Variants in UNC5B observed in about 807,000 individuals in gnomAD.
UNC5B encodes the protein unc-5 netrin receptor B, also known as netrin receptor UNC5B.
UNC5B carries 56 observed loss-of-function variants against 103.7 expected under a neutral mutation model. The ratio of observed to expected loss-of-function variants is 0.54; its 90% CI spans 0.44 to 0.67. The LOEUF is 0.67. UNC5B is among the 30% of genes least tolerant of loss of function. The pLI is 0.00. For missense variants in UNC5B, 1,194 were observed against 1,284.5 expected (o/e 0.93, Z 1.08); for synonymous variants, 577 against 542.0 (o/e 1.06, Z -0.90).
At chr10:71,235,086 CTCT>C in intron 1 of UNC5B, among the ~76,000 whole-genome samples, 1 of 86,826 alleles carries the variant, frequency 1.2e-5, no homozygotes, top group Non-Finnish European at 3.2e-5. Flanking sequence ...CTGCCGCTGC[CTCT>C]GACTCTGCCT....
chr10:71,234,513 T>A (rs1419060142), intron 1 of UNC5B, among the ~76,000 whole-genome samples: 1 of 152,222 alleles, frequency 6.6e-6, no homozygotes, highest in East Asian at 1.9e-4. Flanking sequence ...CAAAGCCCCT[T>A]GTATGACCTT....
chr10:71,274,168 C>A (rs1026487919), intron 1 of UNC5B, among the ~76,000 whole-genome samples: 54 of 152,120 alleles, frequency 3.5e-4, no homozygotes, highest in Non-Finnish European at 5.7e-4. Flanking sequence ...CAAGACCAGC[C>A]TGGCCAAGAT....
intron 1 of UNC5B, among the ~76,000 whole-genome samples, chr10:71,231,722 G>C (rs1444938493): frequency 6.6e-6 from 1 of 152,052 alleles, no homozygotes; most frequent in Non-Finnish European, 1.5e-5. Context: ...CCAGGTTTGG[G>C]CATATGAATT....
intron 1 of UNC5B, among the ~76,000 whole-genome samples, chr10:71,231,582 C>T (rs955136411): frequency 6.6e-6 from 1 of 152,064 alleles, no homozygotes; most frequent in Non-Finnish European, 1.5e-5. Context: ...GCCCAGCACA[C>T]GGTGGGCCCT....
chr10:71,234,851 T>G (rs1401024901), intron 1 of UNC5B, among the ~76,000 whole-genome samples: 1 of 152,156 alleles, frequency 6.6e-6, no homozygotes, highest in Non-Finnish European at 1.5e-5. Flanking sequence ...TCTGCTCTAT[T>G]TGCAGAGGTC....
At position 71,300,029 on chromosome 10, in the gene UNC5B, CTGTG is replaced by C. The variant is rs10681577; in HGVS notation, c.*782_*785del. ...CACTTCTGGCCAGGAGTGAATGTGC[CTGTG>C]TGTGTGTGTGTGTGTGTGTGTGTGT... is the stretch of plus-strand genomic sequence containing the variant. On this transcript the variant is annotated 3_prime_UTR_variant, in exon 17 of 17. Coordinates refer to ENST00000335350, the MANE Select transcript of UNC5B (RefSeq NM_170744.5). 1,639 of 146,678 alleles carry C rather than the reference CTGTG, an allele frequency of 0.011. 27 individuals carry two copies. The highest frequency in any genetic ancestry group is 0.04 in the Admixed American group (587 of 14,648). The allele number at this position is 146,678 out of a possible 1,614,324, so 9.1% of individuals were successfully genotyped here.
intron 1 of UNC5B, among the ~76,000 whole-genome samples, chr10:71,225,572 C>A (rs370742914): frequency 1.3e-5 from 2 of 152,260 alleles, no homozygotes; most frequent in African/African-American, 4.8e-5. Flanking sequence ...CTGTCTGAGC[C>A]AGCACACCAT....
intron 1 of UNC5B, among the ~76,000 whole-genome samples, chr10:71,254,844 C>G (rs1305421505): frequency 2.6e-5 from 4 of 152,218 alleles, no homozygotes; most frequent in Non-Finnish European, 5.9e-5. Context: ...CCTTTCTCCA[C>G]TATTTCTGGG....
chr10:71,296,248 G>T (rs1467993081), intron 14 of UNC5B, among the ~76,000 whole-genome samples: 1 of 152,074 alleles, frequency 6.6e-6, no homozygotes, highest in East Asian at 1.9e-4. Flanking sequence ...CACCCTTCAG[G>T]GCATGCCCTC....
At chr10:71,224,255 A>G (rs1286489939) in intron 1 of UNC5B, among the ~76,000 whole-genome samples, 5 of 138,954 alleles carry the variant, frequency 3.6e-5, no homozygotes, top group Non-Finnish European at 6.0e-5. Flanking sequence ...ACACACACAG[A>G]CACACACACA....
intron 2 of UNC5B, 131 bp from the exon 3 acceptor site, chr10:71,284,589 A>T: frequency 7.5e-7 from 1 of 1,335,424 alleles, no homozygotes; most frequent in Non-Finnish European, 1.0e-6. Context: ...GAGACAGGAG[A>T]CAAGAGGAAT....
At chr10:71,278,964 A>G (rs1589188780) in intron 1 of UNC5B, among the ~76,000 whole-genome samples, 1 of 151,634 alleles carries the variant, frequency 6.6e-6, no homozygotes, top group Non-Finnish European at 1.5e-5. Context: ...CGGTGGCCAC[A>G]CCCCCCTTCC....
intron 1 of UNC5B, chr10:71,218,168 T>A (rs1316025780): frequency 6.6e-6 from 1 of 152,122 alleles, no homozygotes; most frequent in Non-Finnish European, 1.5e-5. Flanking sequence ...GTGTCAGGTG[T>A]GTGTGGGGGC....
At chr10:71,299,050 C>T in intron 16 of UNC5B, 62 bp from the exon 17 acceptor site, 1 of 1,596,686 alleles carries the variant, frequency 6.3e-7, no homozygotes, top group Non-Finnish European at 8.6e-7. Flanking sequence ...GCCCCTTCAC[C>T]TCCAGGCTCC....
chr10:71,215,765 A>C (rs951481892), intron 1 of UNC5B, among the ~76,000 whole-genome samples: 1 of 151,612 alleles, frequency 6.6e-6, no homozygotes, highest in Admixed American at 6.6e-5. Context: ...ACTTCTTTTT[A>C]AGGTGCAATT....
chr10:71,294,761 G>A (rs1276059958), intron 13 of UNC5B, among the ~76,000 whole-genome samples: 1 of 152,090 alleles, frequency 6.6e-6, no homozygotes, highest in Non-Finnish European at 1.5e-5. Context: ...GGTTGGGACA[G>A]GAGGGAGGGA....
chr10:71,275,481 C>G (rs1267894530), intron 1 of UNC5B, among the ~76,000 whole-genome samples: 1 of 152,176 alleles, frequency 6.6e-6, no homozygotes, highest in Non-Finnish European at 1.5e-5. Context: ...TGTTGCCCCT[C>G]GTTTTCATTT....
intron 1 of UNC5B, among the ~76,000 whole-genome samples, chr10:71,255,816 C>A (rs1230238439): frequency 1.3e-5 from 2 of 152,224 alleles, no homozygotes; most frequent in African/African-American, 4.8e-5. Context: ...TGGCCTCCAG[C>A]AGCTTGCATC....
chr10:71,277,609 G>T lies in UNC5B; in HGVS notation c.80-2212G>T, dbSNP rs150697822. Among the ~76,000 whole-genome samples the T allele has an allele frequency of 3.0e-3, 460 of 152,338 alleles. 5 individuals are homozygous for T. The highest frequency in any genetic ancestry group is 0.014 in the South Asian group (67 of 4,828). On this transcript the variant is annotated intron_variant, in intron 1 of 16. Coordinates refer to ENST00000335350, the MANE Select transcript of UNC5B (RefSeq NM_170744.5). Reference sequence around the variant, plus strand: ...CTGAAAGCCAATGTTCAGCTCCCTGGGTTGTGATCAAGTCACTGTGTCATC... The same window carrying T: ...CTGAAAGCCAATGTTCAGCTCCCTGTGTTGTGATCAAGTCACTGTGTCATC...
Sources: allele counts gnomAD v4.1 joint callset (sites outside exome capture counted in the v4.1 genomes callset), GRCh38; gene constraint gnomAD v4.1.1; transcripts MANE v1.5; gene names NCBI Gene and HGNC (gene_info 2026-07-23, HGNC 2026-07-21).